Variants in NEGR1 observed in about 807,000 individuals in gnomAD.
NEGR1 encodes the protein IgLON family member 4.
Under a neutral mutation model 40.9 loss-of-function variants are expected in NEGR1, and 10 were observed. That is an observed-to-expected ratio of 0.24 (90% CI 0.15 to 0.42). The LOEUF is 0.42. Ranked by LOEUF, NEGR1 falls within the 10% of genes least tolerant of loss-of-function variation. The pLI, the probability that NEGR1 is intolerant of heterozygous loss-of-function variation, is 1.00. For missense variants in NEGR1, 352 were observed against 438.9 expected (o/e 0.80, Z 1.77); for synonymous variants, 185 against 166.8 (o/e 1.11, Z -0.84).
chr1:72,082,718 A>AC (rs1174628710), intron 1 of NEGR1, among the ~76,000 whole-genome samples: 3 of 150,598 alleles, frequency 2.0e-5, no homozygotes, highest in African/African-American at 7.5e-5. Flanking sequence ...AAAAAACAAA[A>AC]AAAAAAAAAC....
chr1:71,613,488 A>T (rs981956156), intron 4 of NEGR1, among the ~76,000 whole-genome samples: 1 of 151,962 alleles, frequency 6.6e-6, no homozygotes, highest in Admixed American at 6.6e-5. Flanking sequence ...CTCTACTAAA[A>T]TTACAAAAAT....
intron 1 of NEGR1, among the ~76,000 whole-genome samples, chr1:71,996,073 T>G (rs1646502204): frequency 6.6e-6 from 1 of 152,126 alleles, no homozygotes; most frequent in African/African-American, 2.4e-5. Flanking sequence ...CACACCACAT[T>G]GGAAACTTCC....
chr1:71,495,478 GAAA>G (rs59058061), intron 6 of NEGR1, among the ~76,000 whole-genome samples: 7 of 135,966 alleles, frequency 5.1e-5, no homozygotes, highest in Admixed American at 7.4e-5. Context: ...CTCCATCTCG[GAAA>G]AAAAAAAAAA....
chr1:72,004,198 A>T (rs1044992732), intron 1 of NEGR1, among the ~76,000 whole-genome samples: 1 of 152,034 alleles, frequency 6.6e-6, no homozygotes, highest in African/African-American at 2.4e-5. Flanking sequence ...ATATATATAC[A>T]CACACACATG....
At chr1:72,173,690 C>T (rs923584602) in intron 1 of NEGR1, among the ~76,000 whole-genome samples, 1 of 151,966 alleles carries the variant, frequency 6.6e-6, no homozygotes, top group Non-Finnish European at 1.5e-5. Flanking sequence ...CATGTAATCC[C>T]ATAACTTTTG....
At chr1:71,739,214 A>AG (rs1160864583) in intron 3 of NEGR1, among the ~76,000 whole-genome samples, 2 of 148,942 alleles carry the variant, frequency 1.3e-5, no homozygotes, top group Admixed American at 6.6e-5. Flanking sequence ...AAAAAAAAAA[A>AG]AAACAAAAAA....
chr1:71,970,661 C>A (rs749515233), intron 1 of NEGR1, among the ~76,000 whole-genome samples: 4 of 152,036 alleles, frequency 2.6e-5, no homozygotes, highest in Non-Finnish European at 5.9e-5. Context: ...GCAATCCACC[C>A]TGGGCAACAG....
intron 6 of NEGR1, among the ~76,000 whole-genome samples, chr1:71,474,471 C>T (rs375508827): frequency 6.2e-5 from 9 of 145,008 alleles, no homozygotes; most frequent in Admixed American, 3.5e-4. Flanking sequence ...GTCAGGAGTT[C>T]GAGATGAGCC....
At position 71,937,495 on chromosome 1, in the gene NEGR1, TA is replaced by T. The variant is rs1287110962; in HGVS notation, c.177-2185del. Reference sequence around the variant, plus strand: ...CGTATGTTTTTCTATTGCGTGTTCATAACAACTCTTTCAGGGTATAGATTGC... The same window carrying T: ...CGTATGTTTTTCTATTGCGTGTTCATACAACTCTTTCAGGGTATAGATTGC... On this transcript the variant is annotated intron_variant, in intron 1 of 6. Transcript: ENST00000357731. Among the ~76,000 whole-genome samples the T allele has an allele frequency of 2.0e-4, 31 of 152,300 alleles. 1 individual carries two copies. The highest frequency in any genetic ancestry group is 1.9e-3 in the Admixed American group (29 of 15,296).
chr1:72,215,751 A>G (rs1557582420), intron 1 of NEGR1, among the ~76,000 whole-genome samples: 2 of 151,742 alleles, frequency 1.3e-5, no homozygotes, highest in African/African-American at 4.8e-5. Context: ...ACACTTTTAC[A>G]CTCTTGGTGG....
At chr1:72,021,140 C>T (rs919542540) in intron 1 of NEGR1, among the ~76,000 whole-genome samples, 2 of 151,992 alleles carry the variant, frequency 1.3e-5, no homozygotes, top group Non-Finnish European at 2.9e-5. Flanking sequence ...TTTTGAAAAC[C>T]TCATTTGCTT....
chr1:71,670,192 T>C (rs1652372740), intron 4 of NEGR1, among the ~76,000 whole-genome samples: 1 of 152,164 alleles, frequency 6.6e-6, no homozygotes, highest in Admixed American at 6.5e-5. Flanking sequence ...TATTTGTTTT[T>C]ATTTTTGAAT....
At chr1:71,958,271 T>C (rs1646134741) in intron 1 of NEGR1, among the ~76,000 whole-genome samples, 1 of 152,192 alleles carries the variant, frequency 6.6e-6, no homozygotes, top group Non-Finnish European at 1.5e-5. Context: ...TTCACATCTT[T>C]CAATTTCTAA....
intron 2 of NEGR1, among the ~76,000 whole-genome samples, chr1:71,823,749 A>T (rs1327318066): frequency 6.6e-6 from 1 of 152,054 alleles, no homozygotes; most frequent in Non-Finnish European, 1.5e-5. Flanking sequence ...GCCTGTACAG[A>T]TAAAGTGTTG....
intron 1 of NEGR1, among the ~76,000 whole-genome samples, chr1:72,113,435 C>CAA (rs140485557): frequency 5.0e-4 from 72 of 144,262 alleles, no homozygotes; most frequent in South Asian, 8.6e-4. Context: ...AGCTTTTATA[C>CAA]AAAAAAAAAA....
At chr1:71,902,584 T>C (rs1013056315) in intron 2 of NEGR1, among the ~76,000 whole-genome samples, 3 of 152,162 alleles carry the variant, frequency 2.0e-5, no homozygotes, top group Non-Finnish European at 2.9e-5. Flanking sequence ...CCATTTAGTA[T>C]TCACCCAATT....
chr1:71,514,342 G>C (rs1172305139), intron 6 of NEGR1, among the ~76,000 whole-genome samples: 1 of 62,068 alleles, frequency 1.6e-5, no homozygotes, highest in Non-Finnish European at 3.0e-5. Context: ...GCTTTGAAGA[G>C]AGCAGTGGTT....
At chr1:71,443,684 G>C (rs1464597854) in intron 6 of NEGR1, among the ~76,000 whole-genome samples, 1 of 152,156 alleles carries the variant, frequency 6.6e-6, no homozygotes, top group Non-Finnish European at 1.5e-5. Flanking sequence ...ATTGGAGAAA[G>C]CTCACATCCT....
chr1:71,944,967 C>T (rs1646003511), intron 1 of NEGR1, among the ~76,000 whole-genome samples: 1 of 151,296 alleles, frequency 6.6e-6, no homozygotes, highest in African/African-American at 2.4e-5. Context: ...AGGAGTATAC[C>T]CAAGAAGAAA....
Sources: gnomAD v4.1 joint callset for allele counts (sites outside exome capture counted in the v4.1 genomes callset) on GRCh38, gnomAD v4.1.1 for gene constraint, MANE v1.5 for transcripts, NCBI Gene and HGNC (gene_info 2026-07-23, HGNC 2026-07-21) for gene names.